FRMPD4: variants seen among roughly 807,000 people sequenced by gnomAD.
FRMPD4 encodes FERM and PDZ domain containing 4.
FRMPD4 carries 22 observed loss-of-function variants against 94.1 expected under a neutral mutation model. That is an observed-to-expected ratio of 0.23 (90% CI 0.17 to 0.33). The LOEUF is 0.33. FRMPD4 is among the 10% of genes least tolerant of loss of function. FRMPD4 has a pLI of 1.00. For missense variants in FRMPD4, 1,111 were observed against 1,339.9 expected (o/e 0.83, Z 2.67); for synonymous variants, 631 against 548.6 (o/e 1.15, Z -2.10).
chrX:12,672,961 C>T (rs2059858486), intron 4 of FRMPD4, among the ~76,000 whole-genome samples: 1 of 112,117 alleles, frequency 8.9e-6, no homozygotes, highest in Non-Finnish European at 1.9e-5. Context: ...ATGGTGGAAA[C>T]CAGGACTGTT....
intron 1 of FRMPD4, among the ~76,000 whole-genome samples, chrX:12,364,620 T>G (rs1176197215): frequency 2.7e-5 from 3 of 110,711 alleles, no homozygotes; most frequent in Non-Finnish European, 3.8e-5. Context: ...TGAAGAGAGA[T>G]AGAGATGGTG....
intron 1 of FRMPD4, among the ~76,000 whole-genome samples, chrX:12,198,621 C>A (rs1265432630): frequency 8.9e-6 from 1 of 111,815 alleles, no homozygotes; most frequent in African/African-American, 3.2e-5. Context: ...TCATAGATGA[C>A]TTCATCCCCC....
At chrX:12,529,396 G>T (rs775702295) in intron 2 of FRMPD4, among the ~76,000 whole-genome samples, 1 of 112,617 alleles carries the variant, frequency 8.9e-6, no homozygotes, top group African/African-American at 3.2e-5. Flanking sequence ...TCATAGAAGT[G>T]ATATCTCCCC....
chrX:12,224,665 C>G (rs1251674012), intron 1 of FRMPD4, among the ~76,000 whole-genome samples: 1 of 111,499 alleles, frequency 9.0e-6, no homozygotes, highest in Non-Finnish European at 1.9e-5. Context: ...CCTTTCTTGT[C>G]TTTATCCACA....
intron 1 of FRMPD4, among the ~76,000 whole-genome samples, chrX:12,481,071 C>T (rs983247110): frequency 1.8e-5 from 2 of 111,475 alleles, no homozygotes; most frequent in African/African-American, 3.3e-5. Context: ...CTTCTTGCTT[C>T]CTCCTTGTTG....
At chrX:12,553,953 A>G (rs2058567700) in intron 2 of FRMPD4, among the ~76,000 whole-genome samples, 1 of 111,883 alleles carries the variant, frequency 8.9e-6, no homozygotes, top group East Asian at 2.8e-4. Context: ...TTCTTAAACA[A>G]TCAACATTAT....
chrX:12,381,521 T>G (rs5935316), intron 1 of FRMPD4, among the ~76,000 whole-genome samples: 31,428 of 110,741 alleles, frequency 0.28, 3,582 homozygotes, highest in African/African-American at 0.35. Flanking sequence ...GTGTTTTTTT[T>G]GGGGAAGAAA....
intron 1 of FRMPD4, among the ~76,000 whole-genome samples, chrX:12,404,090 C>A (rs917130175): frequency 8.9e-6 from 1 of 112,349 alleles, no homozygotes; most frequent in Non-Finnish European, 1.9e-5. Context: ...ATTTAACAGT[C>A]ATTAAGGTTT....
At chrX:12,115,221 G>A (rs775181699) in intron 3 of FRMPD4, among the ~76,000 whole-genome samples, 1 of 112,046 alleles carries the variant, frequency 8.9e-6, no homozygotes, top group Non-Finnish European at 1.9e-5. Context: ...ATTTGAAGGA[G>A]AACTTTTCAT....
At chrX:12,085,673 A>G (rs761439617) in intron 3 of FRMPD4, among the ~76,000 whole-genome samples, 45 of 111,885 alleles carry the variant, frequency 4.0e-4, no homozygotes, top group African/African-American at 1.5e-3. Context: ...GGAGCTCAAG[A>G]CCAGCCTGGG....
rs139976053 is a variant in FRMPD4, at chrX:12,443,407, G to GT, written c.42-55266dup. On this transcript the variant is annotated intron_variant, in intron 1 of 16. Coordinates refer to ENST00000675598, the MANE Select transcript of FRMPD4 (RefSeq NM_001368397.1). ...AATATCATTTTAACATATAAGCAAT[G>GT]TTTTTTTAAATTGGTAAAATACTGT... is the stretch of plus-strand genomic sequence containing the variant. Among the ~76,000 whole-genome samples the GT allele has an allele frequency of 9.8e-5, 11 of 111,974 alleles. No individual in the cohort carries two copies. The East Asian group carries it at 2.8e-3, about 28-fold the overall frequency.
At chrX:11,927,286 T>C (rs1211157935) in intron 3 of FRMPD4, among the ~76,000 whole-genome samples, 1 of 112,202 alleles carries the variant, frequency 8.9e-6, no homozygotes, top group Admixed American at 9.4e-5. Flanking sequence ...TGCTCACGTA[T>C]AGGAAGAATC....
intron 2 of FRMPD4, among the ~76,000 whole-genome samples, chrX:12,568,320 C>G (rs1372428481): frequency 8.9e-6 from 1 of 111,868 alleles, no homozygotes; most frequent in East Asian, 2.8e-4. Flanking sequence ...CTTAAGTTGA[C>G]AATAATTATT....
intron 3 of FRMPD4, among the ~76,000 whole-genome samples, chrX:12,046,018 C>T (rs1035017082): frequency 1.8e-5 from 2 of 110,938 alleles, no homozygotes; most frequent in African/African-American, 6.6e-5. Flanking sequence ...TAGACCACTA[C>T]GCAATGAAAA....
In FRMPD4 at chrX:12,523,036, G is replaced by T. The variant is rs1053316390; in HGVS notation, c.158+24240G>T. ...TGAGTGGCTCCATAATGCTTTTGCT[G>T]TTTACTTTATCTGTTTTCTCCAGGG... On this transcript the variant is annotated intron_variant, in intron 2 of 16. Transcript: ENST00000675598. Among the ~76,000 whole-genome samples, 3 of 112,331 alleles carry T rather than the reference G, an allele frequency of 2.7e-5. No homozygotes were observed. In the Admixed American group the frequency reaches 2.8e-4, roughly 11 times the overall value.
At chrX:11,964,851 G>A (rs2054302176) in intron 3 of FRMPD4, among the ~76,000 whole-genome samples, 1 of 112,759 alleles carries the variant, frequency 8.9e-6, no homozygotes, top group African/African-American at 3.2e-5. Context: ...TGTCAGCATG[G>A]CATCATCTCT....
rs370950134 is a variant in FRMPD4, at chrX:12,701,915, G to A, written c.975G>A (p.Leu325=). Residue 325 remains leucine, a synonymous_variant, in exon 10 of 17, where the codon CTG becomes CTA. Transcript: ENST00000675598. Reference sequence around the variant, plus strand: ...TTCAGGAGCGATTTGGGCCGGAGCTGAAATATGACATAGCCCTGCGGCTGG... The same window carrying A: ...TTCAGGAGCGATTTGGGCCGGAGCTAAAATATGACATAGCCCTGCGGCTGG... ...DVVQERFGPE[L]KYDIALRLAA... is the part of the protein sequence containing the mutation. 22 of 1,209,852 alleles carry A rather than the reference G, an allele frequency of 1.8e-5. No homozygotes were observed. In the African/African-American group the frequency reaches 3.8e-4, roughly 21 times the overall value.
chrX:12,109,876 G>A (rs1234536731), intron 3 of FRMPD4, among the ~76,000 whole-genome samples: 1 of 111,772 alleles, frequency 8.9e-6, no homozygotes, highest in Non-Finnish European at 1.9e-5. Flanking sequence ...CCAGGAAGAA[G>A]TTGAATCCCG....
chrX:11,970,908 C>T (rs1054374338), intron 3 of FRMPD4, among the ~76,000 whole-genome samples: 4 of 111,779 alleles, frequency 3.6e-5, no homozygotes, highest in African/African-American at 6.5e-5. Flanking sequence ...ATTTGAGTGT[C>T]CCCCAGTTTA....
Sources: gnomAD v4.1 joint callset for allele counts (sites outside exome capture counted in the v4.1 genomes callset) on GRCh38, gnomAD v4.1.1 for gene constraint, MANE v1.5 for transcripts, NCBI Gene and HGNC (gene_info 2026-07-23, HGNC 2026-07-21) for gene names.